Variants in ARHGAP20 observed in about 807,000 individuals in gnomAD.
The protein encoded by ARHGAP20 is rho GTPase-activating protein 20.
ARHGAP20 carries 34 observed loss-of-function variants against 73.7 expected under a neutral mutation model. The ratio of observed to expected loss-of-function variants is 0.46; its 90% CI spans 0.35 to 0.61. The LOEUF (loss-of-function observed/expected upper bound fraction) is 0.61. Ranked by LOEUF, ARHGAP20 falls within the 20% of genes least tolerant of loss-of-function variation. ARHGAP20 has a pLI of 0.00. For synonymous variants in ARHGAP20, 523 were observed against 518.2 expected (o/e 1.01, Z -0.13); for missense variants, 1,314 against 1,420.9 (o/e 0.92, Z 1.21).
Position 110,577,341 on chromosome 11 carries a change from A to T in ARHGAP20, c.*2029T>A. 8.0e-7 allele frequency: 1 copy of T among 1,244,376 alleles called. No homozygotes were observed. The highest frequency in any genetic ancestry group is 1.0e-6 in the Non-Finnish European group (1 of 993,300). 77.1% of individuals were successfully genotyped at this position (1,244,376 alleles called of 1,614,324 possible). A position where few individuals can be genotyped will look rare whatever the true frequency, so the allele number is the denominator to read the frequency against. On this transcript the variant is annotated 3_prime_UTR_variant, in exon 15 of 15. Transcript: ENST00000683387. Reference sequence around the variant, plus strand: ...TATAATACTTTACAGCAATATTAACAAACTATTCACATTAAGAATTACAGG... The same window carrying T: ...TATAATACTTTACAGCAATATTAACTAACTATTCACATTAAGAATTACAGG...
At chr11:110,666,958 G>C (rs927441922) in intron 2 of ARHGAP20, among the ~76,000 whole-genome samples, 3 of 152,218 alleles carry the variant, frequency 2.0e-5, no homozygotes, top group African/African-American at 7.2e-5. Context: ...TCAATTCTAT[G>C]AAGGCTGAGA....
At chr11:110,650,545 T>A (rs888528619) in intron 2 of ARHGAP20, among the ~76,000 whole-genome samples, 3 of 152,114 alleles carry the variant, frequency 2.0e-5, no homozygotes, top group African/African-American at 7.2e-5. Flanking sequence ...CTTATCTGCT[T>A]ATCTGCTCCC....
In ARHGAP20 at chr11:110,581,149, T is replaced by C. The variant is rs370976742; in HGVS notation, c.1797A>G (p.Pro599=). 2.1e-4 allele frequency: 337 copies of C among 1,614,108 alleles called. No individual in the cohort carries two copies. The highest frequency in any genetic ancestry group is 2.8e-4 in the Non-Finnish European group (333 of 1,180,030). ...CAAGTTTCTTTACCAAGTCACTGCA[T>C]GGTGCATCAACATCCTCATTTAGCT... ...ENELNEDVDA[P]CSDLVKKLGQ... is the part of the protein sequence containing the mutation. The change falls in exon 15 of 15, where the codon CCA becomes CCG. Residue 599 remains proline (P), a synonymous_variant. Transcript: ENST00000683387.
Position 110,583,011 on chromosome 11 carries a change from C to T in ARHGAP20, c.1605+537G>A, listed in dbSNP as rs1466174638. Among the ~76,000 whole-genome samples, 3 of 152,170 alleles carry T rather than the reference C, an allele frequency of 2.0e-5. No individual in the cohort carries two copies. In the East Asian group the frequency reaches 5.8e-4, roughly 29 times the overall value. ...TGACTCCATTGAGAGGTACTGGAAC[C>T]TTTCTGAAGTTCCCTTGCCCCAGTA... On this transcript the variant is annotated intron_variant, in intron 13 of 14. Transcript: ENST00000683387.
chr11:110,625,975 G>A (rs1398713631), intron 3 of ARHGAP20, among the ~76,000 whole-genome samples: 1 of 152,182 alleles, frequency 6.6e-6, no homozygotes, highest in Non-Finnish European at 1.5e-5. Flanking sequence ...AGGAACTGAA[G>A]GAGAATCTAG....
Position 110,601,420 on chromosome 11 carries a change from A to G in ARHGAP20, c.964+5141T>C, listed in dbSNP as rs534170423. ...AACATGACAAAGATGTAACAGGCAA[A>G]GGAATGAAGACAAGTCAAATAAGAT... is the stretch of plus-strand genomic sequence containing the variant. On this transcript the variant is annotated intron_variant, in intron 9 of 14. Transcript: ENST00000683387. 9.8e-5 allele frequency among the ~76,000 whole-genome samples: 15 copies of G among 152,368 alleles called. No individual in the cohort carries two copies. In the South Asian group the frequency reaches 2.9e-3, roughly 29 times the overall value.
At chr11:110,699,584 G>C (rs969801953) in intron 1 of ARHGAP20, among the ~76,000 whole-genome samples, 1 of 151,944 alleles carries the variant, frequency 6.6e-6, no homozygotes, top group Non-Finnish European at 1.5e-5. Flanking sequence ...GGGTGTTCTG[G>C]TGTTAGGTGC....
chr11:110,651,747 CAAA>C (rs71476092), intron 2 of ARHGAP20, among the ~76,000 whole-genome samples: 4 of 136,162 alleles, frequency 2.9e-5, no homozygotes, highest in Non-Finnish European at 3.2e-5. Context: ...GCCTACCAAC[CAAA>C]AAAAAAAAAA....
At chr11:110,592,971 A>G (rs761907125) in intron 9 of ARHGAP20, among the ~76,000 whole-genome samples, 1 of 152,188 alleles carries the variant, frequency 6.6e-6, no homozygotes, top group African/African-American at 2.4e-5. Context: ...TATGTTAATA[A>G]ATATAATGTC....
chr11:110,605,092 AAAG>A (rs1948193016), intron 9 of ARHGAP20, among the ~76,000 whole-genome samples: 1 of 152,194 alleles, frequency 6.6e-6, no homozygotes, highest in South Asian at 2.1e-4. Flanking sequence ...GGAATGTAGA[AAAG>A]AAGGTCAAAG....
intron 2 of ARHGAP20, among the ~76,000 whole-genome samples, chr11:110,635,320 T>C (rs1459817730): frequency 1.3e-5 from 2 of 152,164 alleles, no homozygotes; most frequent in African/African-American, 4.8e-5. Context: ...TCCTCAGGTT[T>C]ATTGAATCAG....
chr11:110,606,137 T>A (rs1948223421), intron 9 of ARHGAP20, among the ~76,000 whole-genome samples: 1 of 152,170 alleles, frequency 6.6e-6, no homozygotes, highest in Non-Finnish European at 1.5e-5. Context: ...AGTCTTCACA[T>A]ACTTATCAGA....
intron 8 of ARHGAP20, among the ~76,000 whole-genome samples, chr11:110,607,924 T>TTTCAAGTG (rs1363871492): frequency 6.6e-6 from 1 of 152,196 alleles, no homozygotes; most frequent in Non-Finnish European, 1.5e-5. Flanking sequence ...AAAACAATTA[T>TTTCAAGTG]TTCAAGTGTT....
intron 2 of ARHGAP20, among the ~76,000 whole-genome samples, chr11:110,688,891 G>T (rs1950186747): frequency 6.6e-6 from 1 of 152,088 alleles, no homozygotes. Flanking sequence ...CTGAGAACTT[G>T]CTATGTGCTC....
At chr11:110,652,788 CA>C (rs1238074414) in intron 2 of ARHGAP20, among the ~76,000 whole-genome samples, 5 of 152,096 alleles carry the variant, frequency 3.3e-5, no homozygotes, top group Admixed American at 6.6e-5. Flanking sequence ...GAAGAATCAA[CA>C]TCATGAAAAT....
At chr11:110,648,238 TAAATA>T (rs1949264053) in intron 2 of ARHGAP20, among the ~76,000 whole-genome samples, 1 of 80,994 alleles carries the variant, frequency 1.2e-5, no homozygotes, top group African/African-American at 5.9e-5. Flanking sequence ...TATATATATG[TAAATA>T]TATATATGTA....
chr11:110,620,448 G>C (rs1948604950), intron 4 of ARHGAP20, among the ~76,000 whole-genome samples: 1 of 152,104 alleles, frequency 6.6e-6, no homozygotes, highest in Non-Finnish European at 1.5e-5. Context: ...ACTGTGTCTG[G>C]CTACATTTAC....
Position 110,645,176 on chromosome 11 carries a change from A to G in ARHGAP20, c.189-14384T>C, listed in dbSNP as rs1949163257. Among the ~76,000 whole-genome samples the G allele has an allele frequency of 2.0e-5, 3 of 151,804 alleles. 1 individual carries two copies. Among genetic ancestry groups the G allele is most frequent in the South Asian group, 4.2e-4 (2 of 4,808 alleles). On this transcript the variant is annotated intron_variant, in intron 2 of 14. Coordinates refer to ENST00000683387, the MANE Select transcript of ARHGAP20 (RefSeq NM_001384657.1). ...AGGCATGAGCCACCACACCCCGCTA[A>G]TTTTTGTATTTTTAGTAGAGACGGG...
chr11:110,579,859 A>G lies in ARHGAP20; in HGVS notation c.3087T>C (p.Ser1029=). Reference sequence around the variant, plus strand: ...ACCATGTGCTGGGATGAAGAGTTACAGAATGCATTTGTGAATGCCACTCCA... The same window carrying G: ...ACCATGTGCTGGGATGAAGAGTTACGGAATGCATTTGTGAATGCCACTCCA... The part of the protein sequence containing the change: ...DTMEWHSQMH[S]VTLHPSTWLR... Residue 1029 remains serine (S), a synonymous_variant, in exon 15 of 15, where the codon TCT becomes TCC. Coordinates refer to ENST00000683387, the MANE Select transcript of ARHGAP20 (RefSeq NM_001384657.1). 1 of 1,614,246 alleles carries G rather than the reference A, an allele frequency of 6.2e-7. No homozygotes were observed. Among genetic ancestry groups the G allele is most frequent in the Non-Finnish European group, 8.5e-7 (1 of 1,180,054 alleles).
Sources: allele counts gnomAD v4.1 joint callset (sites outside exome capture counted in the v4.1 genomes callset), GRCh38; gene constraint gnomAD v4.1.1; transcripts MANE v1.5; gene names NCBI Gene and HGNC (gene_info 2026-07-23, HGNC 2026-07-21).